The following MORC3 variants were observed in gnomAD, a reference collection of about 807,000 sequenced individuals.
MORC3 encodes the protein MORC family CW-type zinc finger protein 3.
Under a neutral mutation model 109.1 loss-of-function variants are expected in MORC3, and 31 were observed. That is an observed-to-expected ratio of 0.28 (90% confidence interval 0.21 to 0.38). The LOEUF (loss-of-function observed/expected upper bound fraction) is 0.38, where lower values mean the gene tolerates loss of function less well. Ranked by LOEUF, MORC3 falls within the 10% of genes least tolerant of loss-of-function variation. MORC3 has a pLI of 1.00. For missense variants in MORC3, 867 were observed against 1,135.8 expected (o/e 0.76, Z 3.40); for synonymous variants, 395 against 380.7 (o/e 1.04, Z -0.44).
intron 10 of MORC3, among the ~76,000 whole-genome samples, chr21:36,358,837 G>T (rs573719429): frequency 6.6e-6 from 1 of 151,938 alleles, no homozygotes; most frequent in South Asian, 2.1e-4. Context: ...CCGCCATCAC[G>T]CATGGCTTAT....
At chr21:36,361,301 T>C (rs1404486047) in intron 12 of MORC3, among the ~76,000 whole-genome samples, 3 of 151,082 alleles carry the variant, frequency 2.0e-5, no homozygotes, top group Non-Finnish European at 4.4e-5. Context: ...CCCAGCACTT[T>C]GGGAGACTGA....
intron 2 of MORC3, among the ~76,000 whole-genome samples, chr21:36,335,072 G>T (rs1466814530): frequency 6.6e-6 from 1 of 152,160 alleles, no homozygotes; most frequent in Non-Finnish European, 1.5e-5. Flanking sequence ...CAAGGCTGCA[G>T]CAGAGTGAGT....
chr21:36,350,563 T>C (rs935644403), intron 9 of MORC3, among the ~76,000 whole-genome samples: 1 of 146,980 alleles, frequency 6.8e-6, no homozygotes, highest in African/African-American at 2.5e-5. Flanking sequence ...AAAAAAAAAA[T>C]TTCGGTTCTT....
Position 36,327,168 on chromosome 21 carries a change from T to C in MORC3, c.40-6478T>C, listed in dbSNP as rs1464369991. 5.7e-5 allele frequency among the ~76,000 whole-genome samples: 8 copies of C among 139,618 alleles called. No homozygotes were observed. The South Asian group carries it at 9.8e-4, about 17-fold the overall frequency. 91.6% of individuals were successfully genotyped at this position (139,618 alleles called of 152,430 possible). On this transcript the variant is annotated intron_variant, in intron 1 of 16. Coordinates refer to ENST00000400485, the MANE Select transcript of MORC3 (RefSeq NM_015358.3). ...TTGGCTTTATTTCTTTTTTTTTTTT[T>C]TTTTTTTTTTTTTTGAGACAGACAC...
intron 1 of MORC3, among the ~76,000 whole-genome samples, chr21:36,327,938 A>T (rs1283076578): frequency 1.3e-5 from 2 of 150,770 alleles, no homozygotes; most frequent in African/African-American, 4.9e-5. Context: ...GTGCAGTGGC[A>T]TGATCTTGGC....
intron 7 of MORC3, 70 bp from the exon 8 acceptor site, chr21:36,344,842 A>G: frequency 1.9e-6 from 3 of 1,602,264 alleles, no homozygotes; most frequent in South Asian, 2.3e-5. Context: ...GACTTACCAA[A>G]TAATGAAATA....
intron 13 of MORC3, among the ~76,000 whole-genome samples, 184 bp downstream of exon 13, chr21:36,362,412 A>T (rs753951231): frequency 6.6e-6 from 1 of 150,990 alleles, no homozygotes; most frequent in East Asian, 2.0e-4. Flanking sequence ...ATGTGGTGGC[A>T]CATACCTGTA....
intron 15 of MORC3, among the ~76,000 whole-genome samples, chr21:36,371,810 GTTTTGTTT>G (rs2085871794): frequency 6.9e-6 from 1 of 144,042 alleles, no homozygotes; most frequent in Admixed American, 6.8e-5. Flanking sequence ...GTTTTGTTTT[GTTTTGTTT>G]TTTTTTTTTT....
chr21:36,362,976 C>T (rs985253596), intron 13 of MORC3, among the ~76,000 whole-genome samples: 1 of 152,090 alleles, frequency 6.6e-6, no homozygotes, highest in African/African-American at 2.4e-5. Flanking sequence ...TTAGTGCTAA[C>T]CGGGACAAAA....
Position 36,338,813 on chromosome 21 carries a change from C to T in MORC3, c.500C>T (p.Ala167Val). 1 of 1,613,834 alleles carries T rather than the reference C, an allele frequency of 6.2e-7. No individual in the cohort carries two copies. Among genetic ancestry groups the T allele is most frequent in the East Asian group, 2.2e-5 (1 of 44,874 alleles). Reference protein sequence around the residue: ...INLAESKASLAAILEHSLFST... With the variant: ...INLAESKASLVAILEHSLFST... ...TTAGCAGAATCAAAAGCCAGCCTTG[C>T]TGCAATTCTGGAACATTCTCTGTTT... is the stretch of plus-strand genomic sequence containing the variant. The change falls in exon 5 of 17, where the codon GCT becomes GTT. Residue 167 changes from alanine (A) to valine (V), a missense_variant. Around this residue, in one of 7 missense-constraint regions of MORC3, gnomAD observed 134 missense variants for 166.6 expected, o/e 0.80. Transcript: ENST00000400485.
intron 10 of MORC3, among the ~76,000 whole-genome samples, chr21:36,359,521 G>C (rs541275148): frequency 1.3e-5 from 2 of 148,238 alleles, no homozygotes; most frequent in Admixed American, 1.3e-4. Context: ...GCCTTGCCTT[G>C]CCTTTTCTCT....
chr21:36,363,194 C>T (rs529107155), intron 13 of MORC3, among the ~76,000 whole-genome samples: 13 of 151,984 alleles, frequency 8.6e-5, no homozygotes, highest in African/African-American at 2.9e-4. Flanking sequence ...GTGAGGTGGG[C>T]GATCACTTGA....
At chr21:36,326,113 G>C (rs1274998653) in intron 1 of MORC3, among the ~76,000 whole-genome samples, 1 of 151,852 alleles carries the variant, frequency 6.6e-6, no homozygotes, top group African/African-American at 2.4e-5. Context: ...AGGCTGAGGC[G>C]GGAGAATCGC....
rs757331748 is a variant in MORC3 at position 36,363,710 on chromosome 21, CAG to C, written c.1453-382_1453-381del. Reference sequence around the variant, plus strand: ...TCATAAAGTTGATGCCATTGTAAATCAGGGGCCATCTGAATGCAAGTAGGCAG... The same window carrying C: ...TCATAAAGTTGATGCCATTGTAAATCGGGCCATCTGAATGCAAGTAGGCAG... On this transcript the variant is annotated intron_variant, in intron 13 of 16. Transcript: ENST00000400485. 6.6e-5 allele frequency among the ~76,000 whole-genome samples: 10 copies of C among 152,310 alleles called. No individual in the cohort carries two copies. In the South Asian group the frequency reaches 1.0e-3, roughly 16 times the overall value.
chr21:36,340,580 A>G (rs2085431832), intron 5 of MORC3, among the ~76,000 whole-genome samples: 1 of 148,090 alleles, frequency 6.8e-6, no homozygotes, highest in Admixed American at 6.7e-5. Context: ...TTGTATGTAT[A>G]GTTTGCACCT....
intron 1 of MORC3, among the ~76,000 whole-genome samples, chr21:36,325,157 A>T (rs573730244): frequency 6.6e-6 from 1 of 152,304 alleles, no homozygotes; most frequent in East Asian, 1.9e-4. Context: ...GTATTTGTAG[A>T]CCATAAAAAA....
rs150054042 is a variant in MORC3 at position 36,320,751 on chromosome 21, G to C, written c.39+448G>C. 399 of 166,872 alleles carry C rather than the reference G, an allele frequency of 2.4e-3. 2 individuals carry two copies. The highest frequency in any genetic ancestry group is 4.0e-3 in the Non-Finnish European group (315 of 78,008). 10.3% of individuals were successfully genotyped at this position (166,872 alleles called of 1,614,324 possible). A position where few individuals can be genotyped will look rare whatever the true frequency, so the allele number is the denominator to read the frequency against. ...GGCGGGGGGACGGGGCTGCGGGCCT[G>C]CCTGCGGGCGAGTGGAGTCAGGATG... On this transcript the variant is annotated intron_variant, in intron 1 of 16. Coordinates refer to ENST00000400485, the MANE Select transcript of MORC3 (RefSeq NM_015358.3).
At chr21:36,354,390 C>A (rs142908920) in intron 9 of MORC3, among the ~76,000 whole-genome samples, 1 of 148,260 alleles carries the variant, frequency 6.7e-6, no homozygotes, top group Non-Finnish European at 1.5e-5. Flanking sequence ...CTGCAACCTC[C>A]GCCTCCCAGG....
At chr21:36,343,417 T>C (rs892439217) in intron 6 of MORC3, among the ~76,000 whole-genome samples, 2 of 151,210 alleles carry the variant, frequency 1.3e-5, no homozygotes, top group Admixed American at 1.3e-4. Context: ...TTAGTTGTTT[T>C]GATAAGACAT....
Sources: allele counts gnomAD v4.1 joint callset (sites outside exome capture counted in the v4.1 genomes callset), GRCh38; gene constraint gnomAD v4.1.1; regional missense constraint gnomAD v4.1.1; transcripts MANE v1.5; gene names NCBI Gene and HGNC (gene_info 2026-07-23, HGNC 2026-07-21).